DNAH9: variants seen among roughly 807,000 people sequenced by gnomAD.
DNAH9 encodes DNAH9 variant protein.
A neutral mutation model predicts 471.6 loss-of-function variants in DNAH9; 345 were observed. The ratio of observed to expected loss-of-function variants is 0.73; its 90% confidence interval spans 0.67 to 0.80. The LOEUF is 0.80. DNAH9 is among the 30% of genes least tolerant of loss of function. The probability of loss-of-function intolerance (pLI) is 0.00; values close to 1 mark genes in which losing one functional copy is unlikely to be tolerated. For missense variants in DNAH9, 5,407 were observed against 5,609.2 expected (o/e 0.96, Z 1.15); for synonymous variants, 2,093 against 2,123.6 (o/e 0.99, Z 0.40).
intron 1 of DNAH9, among the ~76,000 whole-genome samples, chr17:11,606,312 T>C (rs1456472059): frequency 6.6e-6 from 1 of 152,158 alleles, no homozygotes; most frequent in African/African-American, 2.4e-5. Context: ...ATTATTTATA[T>C]ATTGGTAGCT....
chr17:11,810,072 C>T (rs1969834109), intron 44 of DNAH9, among the ~76,000 whole-genome samples, 174 bp from the exon 45 acceptor site: 1 of 152,102 alleles, frequency 6.6e-6, no homozygotes, highest in South Asian at 2.1e-4. Context: ...GGGAATGAGG[C>T]ATAGTTTCCT....
intron 46 of DNAH9, 122 bp downstream of exon 46, chr17:11,822,184 C>T (rs1970331084): frequency 1.7e-6 from 2 of 1,200,364 alleles, no homozygotes; most frequent in Non-Finnish European, 1.1e-6. Flanking sequence ...GTGTGCGGCA[C>T]CCTTCTCAGC....
In DNAH9 at chr17:11,707,959, CCACACACACACA is replaced by C. The variant is rs756020074; in HGVS notation, c.5552+2819_5552+2830del. The stretch of plus-strand genomic sequence containing the variant: ...TGTTTCTAAAAGGCAGCCTCTCCCA[CCACACACACACA>C]CACACACACACACACACACACACAC... On this transcript the variant is annotated intron_variant, in intron 26 of 68. Transcript: ENST00000262442. Among the ~76,000 whole-genome samples the C allele has an allele frequency of 5.3e-3, 567 of 106,440 alleles. 3 individuals carry two copies. The highest frequency in any genetic ancestry group is 0.013 in the African/African-American group (295 of 23,192). 69.8% of individuals were successfully genotyped at this position (106,440 alleles called of 152,430 possible).
At chr17:11,698,549 G>T (rs531870729) in intron 22 of DNAH9, among the ~76,000 whole-genome samples, 6 of 151,716 alleles carry the variant, frequency 4.0e-5, no homozygotes, top group African/African-American at 1.5e-4. Context: ...AAATCAGTGT[G>T]GGTGGTGTTT....
intron 68 of DNAH9, among the ~76,000 whole-genome samples, chr17:11,963,206 G>A (rs12941858): frequency 0.29 from 43,751 of 151,774 alleles, 7,705 homozygotes; most frequent in Non-Finnish European, 0.4. Flanking sequence ...AGGCCGAGGC[G>A]GGCAGATCAC....
intron 38 of DNAH9, among the ~76,000 whole-genome samples, chr17:11,775,831 A>T (rs970973157): frequency 6.6e-6 from 1 of 151,826 alleles, no homozygotes; most frequent in African/African-American, 2.4e-5. Flanking sequence ...TGACCTCGTG[A>T]TCCGCCCGCC....
intron 43 of DNAH9, among the ~76,000 whole-genome samples, chr17:11,799,137 C>T (rs921108993): frequency 6.6e-6 from 1 of 152,146 alleles, no homozygotes; most frequent in South Asian, 2.1e-4. Flanking sequence ...TCTTCTAGCC[C>T]ACCTCAGTTC....
At chr17:11,632,835 G>T (rs2073094840) in intron 8 of DNAH9, 132 bp downstream of exon 8, 2 of 515,640 alleles carry the variant, frequency 3.9e-6, no homozygotes, top group East Asian at 2.8e-5. Context: ...TAGTAGAGAA[G>T]GATATGGGAA....
intron 6 of DNAH9, among the ~76,000 whole-genome samples, chr17:11,625,374 G>A (rs1007415400): frequency 1.3e-5 from 2 of 152,080 alleles, no homozygotes; most frequent in African/African-American, 2.4e-5. Context: ...CAGCCACTCT[G>A]CAGCCTCCTT....
chr17:11,952,290 C>T (rs1975402704), intron 67 of DNAH9, among the ~76,000 whole-genome samples: 1 of 143,176 alleles, frequency 7.0e-6, no homozygotes, highest in African/African-American at 2.6e-5. Context: ...CAGGCATGCA[C>T]CATTACACCC....
chr17:11,903,791 G>C (rs1395988572), intron 60 of DNAH9, among the ~76,000 whole-genome samples: 1 of 152,004 alleles, frequency 6.6e-6, no homozygotes, highest in African/African-American at 2.4e-5. Flanking sequence ...CATTCCTGTA[G>C]TCCCAGCTAC....
chr17:11,757,111 G>A (rs189835824), intron 34 of DNAH9, among the ~76,000 whole-genome samples: 15 of 152,208 alleles, frequency 9.9e-5, no homozygotes, highest in South Asian at 4.1e-4. Flanking sequence ...GGTGAGGGTT[G>A]GGGGGCAGGG....
chr17:11,825,884 A>G (rs1438248294), intron 48 of DNAH9, among the ~76,000 whole-genome samples: 1 of 152,214 alleles, frequency 6.6e-6, no homozygotes, highest in Admixed American at 6.5e-5. Flanking sequence ...TAGGCAGGCA[A>G]TTCCCAGAAT....
In DNAH9 at chr17:11,694,394, C is replaced by G; in HGVS notation, c.4819C>G (p.Leu1607Val). 6.2e-7 allele frequency: 1 copy of G among 1,613,432 alleles called. No individual in the cohort carries two copies. The highest frequency in any genetic ancestry group is 8.5e-7 in the Non-Finnish European group (1 of 1,179,894). The change falls in exon 22 of 69, where the codon CTC becomes GTC. Residue 1607 changes from leucine (L) to valine (V), a missense_variant. Leu to Val is a conservative substitution (Grantham distance 32, BLOSUM62 1). Coordinates refer to ENST00000262442, the MANE Select transcript of DNAH9 (RefSeq NM_001372.4). ...GCTTGCCTTCCCGCGGTTTTACTTT[C>G]TCTCCTCCTCCGATCTGTTAGACAT... ...KRLAFPRFYF[L>V]SSSDLLDILS...
At chr17:11,684,163 A>C (rs1284763519) in intron 19 of DNAH9, among the ~76,000 whole-genome samples, 4 of 152,036 alleles carry the variant, frequency 2.6e-5, no homozygotes, top group African/African-American at 9.7e-5. Flanking sequence ...ACCCTGGTAC[A>C]TTTCTCTGTG....
chr17:11,902,330 G>A (rs1232636205), intron 59 of DNAH9, among the ~76,000 whole-genome samples: 2 of 152,124 alleles, frequency 1.3e-5, no homozygotes. Context: ...GAACTGACAG[G>A]GTTTGGTGGC....
At position 11,690,031 on chromosome 17, in the gene DNAH9, C is replaced by T; in HGVS notation, c.4209C>T (p.Thr1403=). 6.2e-7 allele frequency: 1 copy of T among 1,614,188 alleles called. No individual in the cohort carries two copies. The highest frequency in any genetic ancestry group is 1.6e-4 in the Middle Eastern group (1 of 6,062). The part of the protein sequence containing the change: ...TGVSFTMDQD[T]TLAHLLQLQL... Reference sequence around the variant, plus strand: ...TGAGCTTCACTATGGACCAGGACACCACCCTAGCGCACCTGCTGCAGCTCC... The same window carrying T: ...TGAGCTTCACTATGGACCAGGACACTACCCTAGCGCACCTGCTGCAGCTCC... The change falls in exon 20 of 69, where the codon ACC becomes ACT. Residue 1403 remains threonine (T), a synonymous_variant. Transcript: ENST00000262442.
intron 41 of DNAH9, among the ~76,000 whole-genome samples, chr17:11,785,110 CTCTGCCTA>C (rs1968816160): frequency 6.6e-6 from 1 of 152,076 alleles, no homozygotes; most frequent in Non-Finnish European, 1.5e-5. Flanking sequence ...GATGGCGTAT[CTCTGCCTA>C]TTGCTTCCAA....
intron 50 of DNAH9, among the ~76,000 whole-genome samples, chr17:11,867,654 C>G (rs1277446218): frequency 2.0e-5 from 3 of 152,194 alleles, no homozygotes; most frequent in Admixed American, 2.0e-4. Context: ...TAATCTAAGC[C>G]TGCATTAAAT....
Sources: allele counts gnomAD v4.1 joint callset (sites outside exome capture counted in the v4.1 genomes callset), GRCh38; gene constraint gnomAD v4.1.1; transcripts MANE v1.5; gene names NCBI Gene and HGNC (gene_info 2026-07-23, HGNC 2026-07-21).